The following CC2D2A variants were observed in gnomAD, a reference collection of about 807,000 sequenced individuals.
The protein encoded by CC2D2A is coiled-coil and C2 domain containing 2A.
Under a neutral mutation model 212.9 loss-of-function variants are expected in CC2D2A, and 155 were observed. That is an observed-to-expected ratio of 0.73 (90% CI 0.64 to 0.83). The LOEUF is 0.83. Ranked by LOEUF, CC2D2A falls within the 40% of genes least tolerant of loss-of-function variation. The probability of loss-of-function intolerance (pLI) is 0.00; values close to 1 mark genes in which losing one functional copy is unlikely to be tolerated. For missense variants in CC2D2A, 1,856 were observed against 1,956.2 expected (o/e 0.95, Z 0.97); for synonymous variants, 667 against 686.5 (o/e 0.97, Z 0.44).
At chr4:15,476,089 A>G (rs1714194552) in intron 2 of CC2D2A, 118 bp downstream of exon 2, 1 of 824,082 alleles carries the variant, frequency 1.2e-6, no homozygotes, top group Non-Finnish European at 1.9e-6. Flanking sequence ...TTAAAAGAAA[A>G]GCTTTACATG....
At chr4:15,498,953 C>G (rs1339673184) in intron 4 of CC2D2A, among the ~76,000 whole-genome samples, 3 of 152,220 alleles carry the variant, frequency 2.0e-5, no homozygotes, top group Admixed American at 6.5e-5. Context: ...GTTTCTTGCT[C>G]TCAGCTGGTC....
At chr4:15,474,330 G>C (rs1010552801) in intron 1 of CC2D2A, among the ~76,000 whole-genome samples, 3 of 152,176 alleles carry the variant, frequency 2.0e-5, no homozygotes, top group African/African-American at 7.2e-5. Flanking sequence ...CCACAAGTAA[G>C]TGAGAACATG....
rs1861049 is a variant in CC2D2A, at chr4:15,480,698, C to A, written c.124-6C>A. On this transcript the variant is annotated splice_region_variant and splice_polypyrimidine_tract_variant and intron_variant, in intron 3 of 36. Transcript: ENST00000424120. The stretch of plus-strand genomic sequence containing the variant: ...AGTCTCTGAACCTCTGACCTTCTTC[C>A]TCCAGCCACCAACTGCTGTCCCCAA... The A allele has an allele frequency of 6.2e-7, 1 of 1,606,238 alleles. No homozygotes were observed. Among genetic ancestry groups the A allele is most frequent in the African/African-American group, 1.3e-5 (1 of 74,512 alleles).
intron 6 of CC2D2A, among the ~76,000 whole-genome samples, chr4:15,505,896 G>A (rs992023590): frequency 1.1e-4 from 17 of 152,174 alleles, no homozygotes; most frequent in African/African-American, 4.1e-4. Context: ...TCAGATTAGG[G>A]TGTCTTTTAA....
In CC2D2A at chr4:15,537,954, T is replaced by C. The variant is rs771221391; in HGVS notation, c.1820T>C (p.Ile607Thr). 50 of 1,610,014 alleles carry C rather than the reference T, an allele frequency of 3.1e-5. No individual in the cohort carries two copies. Among genetic ancestry groups the C allele is most frequent in the African/African-American group, 4.0e-5 (3 of 74,840 alleles). Residue 607 changes from isoleucine to threonine, a missense_variant, in exon 16 of 37, where the codon ATT becomes ACT. Physicochemically the swap from Ile to Thr is moderately conservative, Grantham distance 89 (BLOSUM62 -1). Transcript: ENST00000424120. ...QAAEEHPGDE[I>T]AEPYPEEDLV... ...GCAGAAGAACATCCCGGTGATGAGA[T>C]TGCAGAGCCGTATCCCGAGGAGGAC...
intron 4 of CC2D2A, among the ~76,000 whole-genome samples, chr4:15,484,928 C>G (rs578044653): frequency 5.3e-5 from 8 of 152,032 alleles, no homozygotes; most frequent in Non-Finnish European, 8.8e-5. Flanking sequence ...CACCTCTGCC[C>G]TCTTTCCTCT....
At chr4:15,477,301 CAAA>C (rs368935605) in intron 2 of CC2D2A, among the ~76,000 whole-genome samples, 5 of 86,748 alleles carry the variant, frequency 5.8e-5, no homozygotes, top group East Asian at 3.6e-4. Flanking sequence ...GACTCCATCT[CAAA>C]AAAAAAAAAA....
chr4:15,547,942 G>C (rs1718794864), intron 17 of CC2D2A, among the ~76,000 whole-genome samples: 1 of 152,060 alleles, frequency 6.6e-6, no homozygotes, highest in South Asian at 2.1e-4. Context: ...AGGAGGCTGA[G>C]GCAGGAGAAT....
chr4:15,565,596 T>G (rs925266253), intron 24 of CC2D2A, among the ~76,000 whole-genome samples: 2 of 151,782 alleles, frequency 1.3e-5, no homozygotes, highest in African/African-American at 4.8e-5. Context: ...AACAAATGGG[T>G]TTTTGGGGGT....
rs1252244748 is a variant in CC2D2A, at chr4:15,500,099, GTGTGTGTGTATA to G, written c.248-2328_248-2317del. ...ATTGTGTGTGTGTGTGTGTGTGTGTGTGTGTGTGTATATATATATATATATATATATATGTAT... is the reference window on the plus strand; with the variant it reads ...ATTGTGTGTGTGTGTGTGTGTGTGTGTATATATATATATATATATATGTAT... On this transcript the variant is annotated intron_variant, in intron 4 of 36. Transcript: ENST00000424120. 4.4e-3 allele frequency among the ~76,000 whole-genome samples: 304 copies of G among 69,814 alleles called. 7 individuals are homozygous for G. The highest frequency in any genetic ancestry group is 7.9e-3 in the African/African-American group (177 of 22,444). The allele number at this position is 69,814 out of a possible 152,430, so 45.8% of individuals were successfully genotyped here. A position where few individuals can be genotyped will look rare whatever the true frequency, so the allele number is the denominator to read the frequency against.
Position 15,515,867 on chromosome 4 carries a change from G to A in CC2D2A, c.881-1G>A. ...ATTTTATTTATTTATAAACGATCTA[G>A]TCCCTACATATAAAAAGCTTCCTGA... On this transcript the variant is annotated splice_acceptor_variant, in intron 9 of 36. Coordinates refer to ENST00000424120, the MANE Select transcript of CC2D2A (RefSeq NM_001378615.1). LOFTEE classifies it high-confidence loss of function. 6.4e-7 allele frequency: 1 copy of A among 1,551,248 alleles called. No homozygotes were observed. Among genetic ancestry groups the A allele is most frequent in the African/African-American group, 1.4e-5 (1 of 73,124 alleles).
At chr4:15,471,128 G>A (rs1195861053) in intron 1 of CC2D2A, among the ~76,000 whole-genome samples, 2 of 152,112 alleles carry the variant, frequency 1.3e-5, no homozygotes. Context: ...AAGGGAAACT[G>A]CAGCTGGAAT....
At chr4:15,551,567 T>C (rs960315055) in intron 18 of CC2D2A, among the ~76,000 whole-genome samples, 1 of 152,206 alleles carries the variant, frequency 6.6e-6, no homozygotes, top group African/African-American at 2.4e-5. Context: ...TTATTGGAAC[T>C]AATCCTTTCT....
At chr4:15,483,477 G>A (rs1051768098) in intron 4 of CC2D2A, among the ~76,000 whole-genome samples, 3 of 152,150 alleles carry the variant, frequency 2.0e-5, no homozygotes, top group Admixed American at 6.5e-5. Flanking sequence ...CAGTCCTTTC[G>A]ACATATTTGT....
At chr4:15,488,177 T>G (rs1715111409) in intron 4 of CC2D2A, among the ~76,000 whole-genome samples, 2 of 152,212 alleles carry the variant, frequency 1.3e-5, no homozygotes, top group Admixed American at 1.3e-4. Flanking sequence ...AGATTTCTTA[T>G]TGCTCATTAG....
chr4:15,582,661 A>C (rs927923949), intron 30 of CC2D2A, among the ~76,000 whole-genome samples: 2 of 152,198 alleles, frequency 1.3e-5, no homozygotes, highest in Non-Finnish European at 2.9e-5. Flanking sequence ...AATATACCTG[A>C]ACAGAACAAT....
chr4:15,578,516 A>T (rs920672506), intron 29 of CC2D2A, among the ~76,000 whole-genome samples: 4 of 152,238 alleles, frequency 2.6e-5, no homozygotes, highest in African/African-American at 9.6e-5. Flanking sequence ...CACTGGAGAT[A>T]AAAAAACAAA....
intron 1 of CC2D2A, among the ~76,000 whole-genome samples, chr4:15,473,528 G>T (rs918076115): frequency 4.6e-5 from 7 of 152,126 alleles, no homozygotes; most frequent in Non-Finnish European, 8.8e-5. Flanking sequence ...GGGCTTGTAG[G>T]CCTTGGAAAA....
At chr4:15,525,581 ATCTGATC>A (rs1717464630) in intron 11 of CC2D2A, among the ~76,000 whole-genome samples, 1 of 152,178 alleles carries the variant, frequency 6.6e-6, no homozygotes, top group Non-Finnish European at 1.5e-5. Flanking sequence ...TAATGACCAG[ATCTGATC>A]TCTGAAAGGC....
Sources: gnomAD v4.1 joint callset for allele counts (sites outside exome capture counted in the v4.1 genomes callset) on GRCh38, gnomAD v4.1.1 for gene constraint, MANE v1.5 for transcripts, NCBI Gene and HGNC (gene_info 2026-07-23, HGNC 2026-07-21) for gene names.